Variants in TTC28 observed in about 807,000 individuals in gnomAD.
The protein encoded by TTC28 is tetratricopeptide repeat protein 28.
A neutral mutation model predicts 198.0 loss-of-function variants in TTC28; 61 were observed. The ratio of observed to expected loss-of-function variants is 0.31; its 90% CI spans 0.25 to 0.38. TTC28 has a LOEUF of 0.38. Ranked by LOEUF, TTC28 falls within the 10% of genes least tolerant of loss-of-function variation. The pLI, the probability that TTC28 is intolerant of heterozygous loss-of-function variation, is 1.00. For missense variants in TTC28, 2,678 were observed against 3,164.0 expected, an observed-to-expected ratio of 0.85 and a Z score of 3.69; for synonymous variants, 1,171 against 1,297.8, an observed-to-expected ratio of 0.90 and a Z score of 2.10.
chr22:28,504,659 G>C (rs2146376171), intron 2 of TTC28, among the ~76,000 whole-genome samples: 1 of 152,206 alleles, frequency 6.6e-6, no homozygotes, highest in Middle Eastern at 3.4e-3. Context: ...ACAGTCTTTT[G>C]CCAACATAAC....
intron 6 of TTC28, among the ~76,000 whole-genome samples, chr22:28,150,492 C>T (rs977625048): frequency 6.6e-6 from 1 of 152,136 alleles, no homozygotes; most frequent in Non-Finnish European, 1.5e-5. Context: ...CATTCAAAAG[C>T]AAATTCCTCT....
chr22:28,074,047 C>T (rs975407418), intron 12 of TTC28, among the ~76,000 whole-genome samples: 2 of 152,174 alleles, frequency 1.3e-5, no homozygotes, highest in Non-Finnish European at 2.9e-5. Flanking sequence ...GCCTCCTTAT[C>T]ACTGTGCTTA....
At chr22:28,611,754 C>A (rs1310349336) in intron 2 of TTC28, among the ~76,000 whole-genome samples, 8 of 146,768 alleles carry the variant, frequency 5.5e-5, no homozygotes, top group African/African-American at 2.0e-4. Flanking sequence ...TGAGAATATG[C>A]GGTGTTTGGT....
At chr22:28,619,162 T>C (rs1001456184) in intron 2 of TTC28, among the ~76,000 whole-genome samples, 1 of 152,182 alleles carries the variant, frequency 6.6e-6, no homozygotes, top group African/African-American at 2.4e-5. Flanking sequence ...AGCATGTATA[T>C]ATAAATACAG....
intron 5 of TTC28, among the ~76,000 whole-genome samples, chr22:28,273,601 G>A (rs915568455): frequency 2.0e-5 from 3 of 152,058 alleles, no homozygotes; most frequent in Non-Finnish European, 4.4e-5. Flanking sequence ...AAGTATAATG[G>A]ACATATGGAA....
intron 2 of TTC28, among the ~76,000 whole-genome samples, chr22:28,536,020 A>C (rs2049265167): frequency 6.7e-6 from 1 of 149,528 alleles, no homozygotes; most frequent in African/African-American, 2.5e-5. Flanking sequence ...ACCACGGTGA[A>C]ACCCCGTCTC....
rs1158384012 is a variant in TTC28 at position 28,582,157 on chromosome 22, A to C, written c.381+47395T>G. Among the ~76,000 whole-genome samples, 4 of 152,328 alleles carry C rather than the reference A, an allele frequency of 2.6e-5. No individual in the cohort carries two copies. The East Asian group carries it at 7.7e-4, about 29-fold the overall frequency. ...TTACCAGAATATATTGGGATGATTA[A>C]CTGACCAAGCTCTGTCTAGTGCTGG... On this transcript the variant is annotated intron_variant, in intron 2 of 22. Coordinates refer to ENST00000397906, the MANE Select transcript of TTC28 (RefSeq NM_001145418.2).
At position 28,306,488 on chromosome 22, in the gene TTC28, A is replaced by G. The variant is rs2045148275; in HGVS notation, c.529+8T>C. On this transcript the variant is annotated splice_region_variant and intron_variant, in intron 3 of 22. Coordinates refer to ENST00000397906, the MANE Select transcript of TTC28 (RefSeq NM_001145418.2). Reference sequence around the variant, plus strand: ...TAATGTTATACCAAGTACTTTTATCATATTTACCTCTCATGGGAGATTTCA... The same window carrying G: ...TAATGTTATACCAAGTACTTTTATCGTATTTACCTCTCATGGGAGATTTCA... The G allele has an allele frequency of 1.3e-6, 2 of 1,547,438 alleles. No homozygotes were observed. The highest frequency in any genetic ancestry group is 2.7e-5 in the African/African-American group (2 of 72,740).
intron 13 of TTC28, among the ~76,000 whole-genome samples, chr22:28,020,218 G>A (rs992911323): frequency 2.6e-5 from 4 of 152,238 alleles, no homozygotes; most frequent in African/African-American, 9.6e-5. Flanking sequence ...AGGTGGCACT[G>A]GCTCACTTTT....
At chr22:28,176,145 A>C in intron 5 of TTC28, among the ~76,000 whole-genome samples, 1 of 152,230 alleles carries the variant, frequency 6.6e-6, no homozygotes, top group East Asian at 1.9e-4. Context: ...ACAATGGCCA[A>C]GATAGGGAAT....
chr22:28,564,834 T>A (rs1185565050), intron 2 of TTC28, among the ~76,000 whole-genome samples: 1 of 147,856 alleles, frequency 6.8e-6, no homozygotes, highest in Non-Finnish European at 1.5e-5. Context: ...ATATAATTTA[T>A]AATTTTTTAT....
intron 2 of TTC28, among the ~76,000 whole-genome samples, chr22:28,475,499 C>G (rs1289595186): frequency 6.6e-6 from 1 of 152,092 alleles, no homozygotes; most frequent in African/African-American, 2.4e-5. Context: ...ATTTTTTTCC[C>G]TCATCAACTT....
At chr22:28,455,778 A>G (rs1261168332) in intron 2 of TTC28, among the ~76,000 whole-genome samples, 1 of 151,976 alleles carries the variant, frequency 6.6e-6, no homozygotes, top group South Asian at 2.1e-4. Flanking sequence ...TGAATTTGCC[A>G]TCATATCTAC....
chr22:28,120,353 C>T (rs1942751228), intron 6 of TTC28, among the ~76,000 whole-genome samples: 1 of 152,144 alleles, frequency 6.6e-6, no homozygotes, highest in Non-Finnish European at 1.5e-5. Flanking sequence ...CATCTGCTTT[C>T]AACGCCCTGG....
At chr22:28,223,699 T>C (rs1928060735) in intron 5 of TTC28, among the ~76,000 whole-genome samples, 1 of 152,230 alleles carries the variant, frequency 6.6e-6, no homozygotes, top group Non-Finnish European at 1.5e-5. Flanking sequence ...AGGTTCAAGA[T>C]TTAATGTGTA....
intron 5 of TTC28, among the ~76,000 whole-genome samples, chr22:28,288,573 T>A (rs2044730552): frequency 6.6e-6 from 1 of 151,762 alleles, no homozygotes; most frequent in Admixed American, 6.6e-5. Context: ...TTTGAGAGAC[T>A]GAGGCAGGCG....
At chr22:27,996,383 G>T in intron 16 of TTC28, 124 bp from the exon 17 acceptor site, 1 of 1,400,236 alleles carries the variant, frequency 7.1e-7, no homozygotes, top group Non-Finnish European at 9.5e-7. Flanking sequence ...TGGCAGGGGA[G>T]CAGCTCACAG....
chr22:28,236,553 T>C (rs758720891), intron 5 of TTC28, among the ~76,000 whole-genome samples: 3 of 152,126 alleles, frequency 2.0e-5, no homozygotes, highest in Non-Finnish European at 4.4e-5. Context: ...AATACAAGTA[T>C]TACCTGTAGT....
rs557834370 is a variant in TTC28 at position 28,036,519 on chromosome 22, G to T, written c.3933-6153C>A. Among the ~76,000 whole-genome samples the T allele has an allele frequency of 8.9e-4, 135 of 152,210 alleles. 2 individuals are homozygous for T. The highest frequency in any genetic ancestry group is 2.8e-4 in the Non-Finnish European group (19 of 68,044). On this transcript the variant is annotated intron_variant, in intron 12 of 22. Coordinates refer to ENST00000397906, the MANE Select transcript of TTC28 (RefSeq NM_001145418.2). ...TAATCTCTGGGACACATTTAAAGCA[G>T]TGTGTAGAGGGAAATTTATAGCACT...
Sources: allele counts gnomAD v4.1 joint callset (sites outside exome capture counted in the v4.1 genomes callset), GRCh38; gene constraint gnomAD v4.1.1; transcripts MANE v1.5; gene names NCBI Gene and HGNC (gene_info 2026-07-23, HGNC 2026-07-21).